SLC4A5: variants seen among roughly 807,000 people sequenced by gnomAD.
SLC4A5 encodes solute carrier family 4 member 5, also known as electrogenic sodium bicarbonate cotransporter 4.
SLC4A5 carries 96 observed loss-of-function variants against 120.4 expected under a neutral mutation model. The observed-to-expected ratio is 0.80, with a 90% CI of 0.68 to 0.94. The LOEUF (loss-of-function observed/expected upper bound fraction) is 0.94, where lower values mean the gene tolerates loss of function less well. Among genes scored for constraint, SLC4A5 ranks in the 40% least tolerant of loss-of-function variants. The probability of loss-of-function intolerance (pLI) is 0.00; values close to 1 mark genes in which losing one functional copy is unlikely to be tolerated. For synonymous variants in SLC4A5, 550 were observed against 571.1 expected, an observed-to-expected ratio of 0.96 and a Z score of 0.53; for missense variants, 1,259 against 1,459.5, an observed-to-expected ratio of 0.86 and a Z score of 2.24.
intron 10 of SLC4A5, 41 bp downstream of exon 10, chr2:74,264,106 C>T: frequency 1.9e-6 from 3 of 1,596,320 alleles, no homozygotes; most frequent in Non-Finnish European, 2.6e-6. Flanking sequence ...CTGATACTGG[C>T]CCTGCATGTC....
exon 18 of SLC4A5, chr2:74,248,438 A>T: frequency 6.2e-7 from 1 of 1,614,136 alleles, no homozygotes. Flanking sequence ...GAGAAGAGGC[A>T]GAACAAGGAG....
Position 74,252,034 on chromosome 2 carries a change from G to A in SLC4A5, c.1478+145C>T, listed in dbSNP as rs112110984. 2.5e-4 allele frequency: 216 copies of A among 870,782 alleles called. 3 individuals carry two copies. In the African/African-American group the frequency reaches 3.2e-3, roughly 13 times the overall value. 53.9% of individuals were successfully genotyped at this position (870,782 alleles called of 1,614,324 possible). A position where few individuals can be genotyped will look rare whatever the true frequency, so the allele number is the denominator to read the frequency against. On this transcript the variant is annotated intron_variant, in intron 16 of 30. Coordinates refer to ENST00000394019, the Ensembl canonical transcript of SLC4A5. The stretch of plus-strand genomic sequence containing the variant: ...GCAACCTTTTGGGGATCCATGATGG[G>A]GTTCAAGGGCTCTGGGAGGGAAAGA...
At position 74,227,088 on chromosome 2, in the gene SLC4A5, G is replaced by A. The variant is rs761256310; in HGVS notation, c.2959C>T (p.Gln987Ter). ...TGCCGCAGGAAGGCATGGTCCGGCT[G>A]GTGCTTGGCTGGCATCAGGAAGAGC... Residue 987 changes from glutamine (Q) to a stop codon, truncating the protein, a stop_gained, in exon 27 of 31, where the codon CAG becomes TAG. Coordinates refer to ENST00000394019, the Ensembl canonical transcript of SLC4A5. LOFTEE classifies it high-confidence loss of function. 6.2e-7 allele frequency: 1 copy of A among 1,614,028 alleles called. No homozygotes were observed. The highest frequency in any genetic ancestry group is 8.5e-7 in the Non-Finnish European group (1 of 1,179,954).
At chr2:74,285,528 C>T (rs1026264038) in intron 8 of SLC4A5, among the ~76,000 whole-genome samples, 10 of 152,202 alleles carry the variant, frequency 6.6e-5, no homozygotes, top group African/African-American at 2.4e-4. Flanking sequence ...CCTTGTATTA[C>T]TCTCAGAGTT....
chr2:74,286,501 GTTCT>G (rs1346642987), intron 7 of SLC4A5, among the ~76,000 whole-genome samples: 6 of 152,138 alleles, frequency 3.9e-5, no homozygotes, highest in East Asian at 1.9e-4. Flanking sequence ...CTTCACCTGT[GTTCT>G]TTCTCTCTTT....
At chr2:74,277,808 G>A (rs377045089) in intron 8 of SLC4A5, among the ~76,000 whole-genome samples, 5 of 151,986 alleles carry the variant, frequency 3.3e-5, no homozygotes, top group South Asian at 2.1e-4. Context: ...AATTTTATTA[G>A]GAAATATAAC....
intron 5 of SLC4A5, among the ~76,000 whole-genome samples, chr2:74,326,758 G>A (rs1235421801): frequency 6.6e-6 from 1 of 152,184 alleles, no homozygotes; most frequent in Non-Finnish European, 1.5e-5. Context: ...GGCAGAGGTT[G>A]CAGTGAGCTG....
At chr2:74,301,886 G>C (rs1033543740) in intron 7 of SLC4A5, among the ~76,000 whole-genome samples, 3 of 152,126 alleles carry the variant, frequency 2.0e-5, no homozygotes, top group Non-Finnish European at 4.4e-5. Context: ...TCTGGAACTG[G>C]GGTCTGGAAT....
At chr2:74,221,642 G>A in intron 29 of SLC4A5, 141 bp from the exon 30 acceptor site, 1 of 817,460 alleles carries the variant, frequency 1.2e-6, no homozygotes, top group Non-Finnish European at 2.0e-6. Flanking sequence ...CCTCAGAGAT[G>A]TGTGGCTTCG....
intron 5 of SLC4A5, among the ~76,000 whole-genome samples, chr2:74,323,482 A>C (rs944858304): frequency 1.3e-5 from 2 of 152,218 alleles, no homozygotes; most frequent in African/African-American, 4.8e-5. Context: ...GGATAAAATC[A>C]GAATAATGAA....
exon 31 of SLC4A5, chr2:74,217,475 A>C (rs1694482234): frequency 6.6e-6 from 1 of 152,234 alleles, no homozygotes; most frequent in African/African-American, 2.4e-5. Flanking sequence ...GTAATGTAAA[A>C]TGTGACCTTA....
At chr2:74,328,306 G>A (rs182391774) in intron 4 of SLC4A5, 120 bp from the exon 5 acceptor site, 3 of 423,522 alleles carry the variant, frequency 7.1e-6, no homozygotes, top group African/African-American at 4.3e-5. Flanking sequence ...GGGGAGGGAC[G>A]CTCCTGCAGG....
At chr2:74,287,606 G>A (rs1005536285) in intron 7 of SLC4A5, among the ~76,000 whole-genome samples, 1 of 152,112 alleles carries the variant, frequency 6.6e-6, no homozygotes, top group African/African-American at 2.4e-5. Context: ...ATCCTTCCAT[G>A]CATCCTTGTC....
At position 74,222,892 on chromosome 2, in the gene SLC4A5, G is replaced by A. The variant is rs1028080625; in HGVS notation, c.3307C>T (p.Gln1103Ter). The A allele has an allele frequency of 6.2e-7, 1 of 1,613,844 alleles. No homozygotes were observed. The highest frequency in any genetic ancestry group is 1.3e-5 in the African/African-American group (1 of 75,044). Residue 1103 changes from glutamine (Q) to a stop codon, truncating the protein, a stop_gained, in exon 29 of 31, where the codon CAA becomes TAA. Coordinates refer to ENST00000394019, the Ensembl canonical transcript of SLC4A5. LOFTEE classifies it high-confidence loss of function. ...CTGGCAATGCAGTGGATACCGTTTT[G>A]GGGATCTGATTGGACACTTTCCATG...
exon 31 of SLC4A5, chr2:74,217,674 A>G (rs939642979): frequency 6.7e-6 from 1 of 150,098 alleles, no homozygotes; most frequent in Non-Finnish European, 1.5e-5. Flanking sequence ...AACAAGAACT[A>G]TTTTATTTTA....
At chr2:74,265,044 G>C (rs1483289026) in intron 9 of SLC4A5, 60 bp downstream of exon 9, 54 of 1,555,474 alleles carry the variant, frequency 3.5e-5, no homozygotes, top group Non-Finnish European at 4.5e-5. Flanking sequence ...ATGAGGTCAG[G>C]GGAGCTGCCC....
At chr2:74,302,121 T>C (rs1172595604) in intron 7 of SLC4A5, among the ~76,000 whole-genome samples, 3 of 152,116 alleles carry the variant, frequency 2.0e-5, no homozygotes, top group Non-Finnish European at 4.4e-5. Context: ...TTTTCATGGG[T>C]ACACAAGACT....
At chr2:74,264,338 G>C (rs757607857) in intron 9 of SLC4A5, 39 bp from the exon 10 acceptor site, 1 of 1,593,200 alleles carries the variant, frequency 6.3e-7, no homozygotes, top group South Asian at 1.1e-5. Flanking sequence ...CTGTGGGACA[G>C]AACAGCTCCA....
chr2:74,267,488 C>T (rs970738516), intron 8 of SLC4A5, among the ~76,000 whole-genome samples: 19 of 152,174 alleles, frequency 1.2e-4, no homozygotes, highest in Admixed American at 1.2e-3. Flanking sequence ...TGTGGGTGAA[C>T]TCACATACTG....
Sources: allele counts gnomAD v4.1 joint callset (sites outside exome capture counted in the v4.1 genomes callset), GRCh38; gene constraint gnomAD v4.1.1; transcripts MANE v1.5; gene names NCBI Gene and HGNC (gene_info 2026-07-23, HGNC 2026-07-21).